Variants in ADPRHL1 observed in about 807,000 individuals in gnomAD.
ADPRHL1 encodes the protein inactive ADP-ribosyltransferase ARH2.
ADPRHL1 carries 43 observed loss-of-function variants against 44.1 expected under a neutral mutation model. That is an observed-to-expected ratio of 0.98 (90% CI 0.76 to 1.26). The LOEUF (loss-of-function observed/expected upper bound fraction) is 1.26, where lower values mean the gene tolerates loss of function less well. Among genes scored for constraint, ADPRHL1 ranks in the 50% most tolerant of loss-of-function variants. The pLI is 0.00. For missense variants in ADPRHL1, 2,022 were observed against 2,496.9 expected (o/e 0.81, Z 4.05); for synonymous variants, 878 against 1,017.4 (o/e 0.86, Z 2.61).
intron 2 of ADPRHL1, among the ~76,000 whole-genome samples, chr13:113,442,403 G>T (rs1039875241): frequency 2.0e-5 from 3 of 152,250 alleles, no homozygotes; most frequent in African/African-American, 7.2e-5. Context: ...TGCAGTAAGT[G>T]GCACCCGTAT....
chr13:113,449,629 G>A (rs1328542369), intron 1 of ADPRHL1, among the ~76,000 whole-genome samples: 1 of 152,234 alleles, frequency 6.6e-6, no homozygotes, highest in African/African-American at 2.4e-5. Context: ...AGGCTGCCCC[G>A]ACCCTCAGAC....
In ADPRHL1 at chr13:113,407,848, G is replaced by C. The variant is rs2043820880; in HGVS notation, c.1434C>G (p.Thr478=). The C allele has an allele frequency of 1.6e-6, 2 of 1,231,838 alleles. 1 individual carries two copies. Among genetic ancestry groups the C allele is most frequent in the South Asian group, 8.2e-5 (2 of 24,322 alleles). 76.3% of individuals were successfully genotyped at this position (1,231,838 alleles called of 1,614,324 possible). Residue 478 remains threonine, a synonymous_variant, in exon 8 of 8, where the codon ACC becomes ACG. Transcript: ENST00000612156. ...GGCAGGGCTTTGGGGCCGGCTCCTT[G>C]GTCTTCTCCAGGAGCTTGTTGATGG... ...GATINKLLEK[T]KEPAPKPCLS... is the part of the protein sequence containing the mutation.
intron 7 of ADPRHL1, among the ~76,000 whole-genome samples, chr13:113,412,755 T>C (rs1482666103): frequency 2.8e-5 from 4 of 143,088 alleles, no homozygotes; most frequent in Admixed American, 7.0e-5. Flanking sequence ...CGGAGCTCGG[T>C]TCACCCACCG....
chr13:113,413,696 T>G (rs1043976929), intron 7 of ADPRHL1, among the ~76,000 whole-genome samples: 1 of 152,128 alleles, frequency 6.6e-6, no homozygotes, highest in Non-Finnish European at 1.5e-5. Flanking sequence ...AGGCCCCCGG[T>G]CAGAGCTGCG....
intron 2 of ADPRHL1, among the ~76,000 whole-genome samples, chr13:113,442,630 CT>C (rs2044107067): frequency 6.6e-6 from 1 of 152,320 alleles, no homozygotes; most frequent in East Asian, 1.9e-4. Flanking sequence ...CAAGATTCTT[CT>C]TGAGTATTAC....
rs2044096729 is a variant in ADPRHL1, at chr13:113,441,287, G to A, written c.379+3138C>T. On this transcript the variant is annotated intron_variant, in intron 2 of 7. Coordinates refer to ENST00000612156, the MANE Select transcript of ADPRHL1 (RefSeq NM_001394807.1). This position sits in a 1 kb window ranked among gnomAD's most constrained non-coding sequence, Gnocchi z 6.0. ...CATTTGGCGTCATTATTATTATCTT[G>A]TTTGTTTTCTACCTGTACTGTCTAG... Among the ~76,000 whole-genome samples, 1 of 152,146 alleles carries A rather than the reference G, an allele frequency of 6.6e-6. No individual in the cohort carries two copies. Among genetic ancestry groups the A allele is most frequent in the Non-Finnish European group, 1.5e-5 (1 of 68,014 alleles).
In ADPRHL1 at chr13:113,410,579, C is replaced by T. The variant is rs113959538; in HGVS notation, c.1062-2359G>A. The stretch of plus-strand genomic sequence containing the variant: ...ATCCAAGGAGCAGCTGTGCGTCCTG[C>T]TGCCAGGCACGCCCTCGTTCTGAGT... On this transcript the variant is annotated intron_variant, in intron 7 of 7. Transcript: ENST00000612156. 7.6e-3 allele frequency among the ~76,000 whole-genome samples: 1,158 copies of T among 152,326 alleles called. 13 individuals are homozygous for T. The highest frequency in any genetic ancestry group is 0.024 in the African/African-American group (1,004 of 41,564).
chr13:113,424,159 T>C, intron 6 of ADPRHL1, 58 bp downstream of exon 6: 1 of 1,600,888 alleles, frequency 6.2e-7, no homozygotes, highest in Non-Finnish European at 8.5e-7. Flanking sequence ...TCCGAGGGGG[T>C]GCTTCAGAAG....
At chr13:113,436,856 G>A (rs370445360) in intron 2 of ADPRHL1, among the ~76,000 whole-genome samples, 10 of 120,306 alleles carry the variant, frequency 8.3e-5, no homozygotes, top group South Asian at 6.0e-4. Flanking sequence ...GGTGTACCCC[G>A]GGACCCGGCA....
chr13:113,444,372 C>T (rs999549132), intron 2 of ADPRHL1, 53 bp downstream of exon 2: 95 of 1,588,952 alleles, frequency 6.0e-5, no homozygotes, highest in Admixed American at 3.2e-4. Flanking sequence ...TGGTTAGGAC[C>T]GCAGGGTCCC....
intron 2 of ADPRHL1, among the ~76,000 whole-genome samples, chr13:113,439,039 T>A (rs1450760860): frequency 6.6e-6 from 1 of 152,226 alleles, no homozygotes; most frequent in Non-Finnish European, 1.5e-5. Flanking sequence ...GGAAGAGTTA[T>A]GTACAATTTA....
chr13:113,406,245 G>T lies in ADPRHL1; in HGVS notation c.3037C>A (p.Leu1013Ile). The change falls in exon 8 of 8, where the codon CTT (leucine) becomes ATT (isoleucine). Residue 1013 changes from leucine (L) to isoleucine (I), a missense_variant. This residue lies in a region of ADPRHL1 where 1,221 missense variants were observed against 1,517.8 expected (regional missense o/e 0.80). Coordinates refer to ENST00000612156, the MANE Select transcript of ADPRHL1 (RefSeq NM_001394807.1). ...GCATGGCTGGTGTTTCCCCTCAGAA[G>T]GTTTTGTGAGGCTGCAGGATCATTT... ...ATNDPAASQN[L>I]LRGNTSHASS... is the part of the protein sequence containing the mutation. 2 of 1,232,102 alleles carry T rather than the reference G, an allele frequency of 1.6e-6. No individual in the cohort carries two copies. The highest frequency in any genetic ancestry group is 2.0e-6 in the Non-Finnish European group (2 of 987,982). 76.3% of individuals were successfully genotyped at this position (1,232,102 alleles called of 1,614,324 possible).
At position 113,407,780 on chromosome 13, in the gene ADPRHL1, G is replaced by A; in HGVS notation, c.1502C>T (p.Thr501Ile). ...GAATATCTTCAGGATGTTTTTCACG[G>A]TGCTCTTCCCGGCCGGGTGGCCCCA... is the stretch of plus-strand genomic sequence containing the variant. ...PRWGHPAGKS[T>I]VKNILKIFLA... Residue 501 changes from threonine (T) to isoleucine (I), a missense_variant, in exon 8 of 8, where the codon ACC (threonine) becomes ATC (isoleucine). Thr to Ile is a moderately conservative substitution (Grantham distance 89, BLOSUM62 -1). This residue lies in a region of ADPRHL1 where 1,221 missense variants were observed against 1,517.8 expected (regional missense o/e 0.80). Transcript: ENST00000612156. 2.4e-6 allele frequency: 3 copies of A among 1,232,110 alleles called. No homozygotes were observed. Among genetic ancestry groups the A allele is most frequent in the Non-Finnish European group, 3.0e-6 (3 of 988,084 alleles). 76.3% of individuals were successfully genotyped at this position (1,232,110 alleles called of 1,614,324 possible). A position where few individuals can be genotyped will look rare whatever the true frequency, so the allele number is the denominator to read the frequency against.
intron 2 of ADPRHL1, 26 bp downstream of exon 2, chr13:113,444,398 AG>A (rs1470134939): frequency 1.2e-6 from 2 of 1,608,998 alleles, no homozygotes; most frequent in East Asian, 2.2e-5. Flanking sequence ...GGGTGGCTTT[AG>A]GGGGAGAGGA....
intron 1 of ADPRHL1, among the ~76,000 whole-genome samples, chr13:113,450,056 G>C (rs961127503): frequency 9.2e-5 from 14 of 152,222 alleles, no homozygotes; most frequent in African/African-American, 3.4e-4. Context: ...AACAATGCCT[G>C]GTACAGAAGT....
rs1248295597 is a variant in ADPRHL1 at position 113,405,691 on chromosome 13, G to T, written c.3591C>A (p.Ala1197=). The change falls in exon 8 of 8, where the codon GCC becomes GCA. Residue 1197 remains alanine, a synonymous_variant. Coordinates refer to ENST00000612156, the MANE Select transcript of ADPRHL1 (RefSeq NM_001394807.1). The part of the protein sequence containing the change: ...AAGRSLLRGV[A]LVQHPEDIAT... Reference sequence around the variant, plus strand: ...CAATGTCCTCTGGGTGCTGGACGAGGGCCACGCCTCTCAGGAGGCTCCTCC... The same window carrying T: ...CAATGTCCTCTGGGTGCTGGACGAGTGCCACGCCTCTCAGGAGGCTCCTCC... 4.1e-6 allele frequency: 5 copies of T among 1,231,908 alleles called. No homozygotes were observed. The African/African-American group carries it at 7.8e-5, about 19-fold the overall frequency. 76.3% of individuals were successfully genotyped at this position (1,231,908 alleles called of 1,614,324 possible). A position where few individuals can be genotyped will look rare whatever the true frequency, so the allele number is the denominator to read the frequency against.
intron 1 of ADPRHL1, among the ~76,000 whole-genome samples, chr13:113,446,867 G>A (rs1321478664): frequency 2.0e-5 from 3 of 151,696 alleles, no homozygotes; most frequent in African/African-American, 4.8e-5. Context: ...CTACATGCAC[G>A]GTGTGTGTGC....
intron 7 of ADPRHL1, among the ~76,000 whole-genome samples, chr13:113,421,458 C>T (rs1442726737): frequency 4.0e-5 from 6 of 151,674 alleles, no homozygotes; most frequent in Middle Eastern, 3.4e-3. Flanking sequence ...CGCCCATCCC[C>T]GGGACATGCC....
intron 1 of ADPRHL1, among the ~76,000 whole-genome samples, chr13:113,451,134 G>C (rs1318082575): frequency 1.3e-5 from 2 of 152,204 alleles, no homozygotes; most frequent in Non-Finnish European, 2.9e-5. Flanking sequence ...TTGTCTTCTG[G>C]TCACACCTCA....
Sources: allele counts gnomAD v4.1 joint callset (sites outside exome capture counted in the v4.1 genomes callset), GRCh38; gene constraint gnomAD v4.1.1; regional missense constraint gnomAD v4.1.1; non-coding constraint Gnocchi (gnomAD v3.1); transcripts MANE v1.5; gene names NCBI Gene and HGNC (gene_info 2026-07-23, HGNC 2026-07-21).